The following STK32B variants were observed in gnomAD, a reference collection of about 807,000 sequenced individuals.
STK32B encodes serine/threonine-protein kinase 32B.
In STK32B, 43 loss-of-function variants were observed where a neutral mutation model predicts 52.6. The observed-to-expected ratio is 0.82, with a 90% CI of 0.64 to 1.05. The LOEUF is 1.05. Ranked by LOEUF, STK32B falls within the 50% of genes least tolerant of loss-of-function variation. The pLI is 0.00. For synonymous variants in STK32B, 238 were observed against 204.3 expected, an observed-to-expected ratio of 1.17 and a Z score of -1.41; for missense variants, 621 against 534.6, an observed-to-expected ratio of 1.16 and a Z score of -1.59.
intron 3 of STK32B, among the ~76,000 whole-genome samples, chr4:5,246,439 C>T (rs976894320): frequency 3.9e-5 from 6 of 152,194 alleles, no homozygotes; most frequent in African/African-American, 1.4e-4. Context: ...ACTTTAAGGA[C>T]TTCTCTGCAT....
At chr4:5,333,795 GGC>G (rs1732438134) in intron 4 of STK32B, among the ~76,000 whole-genome samples, 2 of 151,508 alleles carry the variant, frequency 1.3e-5, no homozygotes, top group Non-Finnish European at 1.5e-5. Flanking sequence ...GTAGATATGC[GGC>G]TTATTTCTGA....
chr4:5,432,360 G>A (rs1274628898), intron 6 of STK32B: 1 of 152,216 alleles, frequency 6.6e-6, no homozygotes, highest in Non-Finnish European at 1.5e-5. Flanking sequence ...CCCAGTGGGG[G>A]AGATGGACAT....
At chr4:5,442,839 G>T (rs932112980) in intron 6 of STK32B, among the ~76,000 whole-genome samples, 22 of 152,110 alleles carry the variant, frequency 1.4e-4, no homozygotes, top group African/African-American at 4.8e-4. Context: ...GTCTGTAAAG[G>T]ATTTTATTTC....
intron 7 of STK32B, chr4:5,447,256 A>C (rs924846343): frequency 7.1e-5 from 11 of 153,880 alleles, no homozygotes; most frequent in African/African-American, 2.6e-4. Context: ...ATTTTATTGC[A>C]TTTAAATTTA....
At chr4:5,431,576 C>T (rs780650001) in intron 6 of STK32B, among the ~76,000 whole-genome samples, 13 of 151,792 alleles carry the variant, frequency 8.6e-5, no homozygotes, top group Admixed American at 1.3e-4. Flanking sequence ...GATACTGGTG[C>T]ATCATTTATT....
chr4:5,296,001 C>T (rs71489531), intron 3 of STK32B, among the ~76,000 whole-genome samples: 3 of 152,088 alleles, frequency 2.0e-5, no homozygotes, highest in African/African-American at 7.2e-5. Context: ...TTATTTATTT[C>T]TGCCTTAATT....
chr4:5,295,229 A>G (rs563985466), intron 3 of STK32B, among the ~76,000 whole-genome samples: 1 of 146,146 alleles, frequency 6.8e-6, no homozygotes, highest in African/African-American at 2.8e-5. Flanking sequence ...ATTGGGTTGA[A>G]GTTTTCTTAT....
intron 4 of STK32B, among the ~76,000 whole-genome samples, chr4:5,393,420 A>G (rs1448084727): frequency 2.0e-5 from 3 of 152,224 alleles, no homozygotes; most frequent in African/African-American, 7.2e-5. Flanking sequence ...TCATGTTGTT[A>G]TAAAGAAATA....
chr4:5,454,703 C>G (rs976613857), intron 7 of STK32B, among the ~76,000 whole-genome samples: 2 of 152,058 alleles, frequency 1.3e-5, no homozygotes, highest in African/African-American at 4.8e-5. Flanking sequence ...GATATAGTGC[C>G]TCGGTTTTGT....
intron 3 of STK32B, among the ~76,000 whole-genome samples, chr4:5,326,036 T>C (rs570171129): frequency 2.0e-5 from 3 of 152,306 alleles, no homozygotes; most frequent in South Asian, 4.2e-4. Context: ...GCTTAAAATA[T>C]TGTTCTCTTA....
At chr4:5,237,694 A>G (rs1364137156) in intron 3 of STK32B, among the ~76,000 whole-genome samples, 1 of 152,188 alleles carries the variant, frequency 6.6e-6, no homozygotes, top group African/African-American at 2.4e-5. Context: ...AGAGATGCAT[A>G]TAGCCAGTGC....
chr4:5,037,570 AC>A, the STK32B span, among the ~76,000 whole-genome samples: 1 of 152,144 alleles, frequency 6.6e-6, no homozygotes, highest in Admixed American at 6.5e-5. Context: ...AATATCAATT[AC>A]TCTACAGATA....
At chr4:5,355,969 C>A (rs1328606264) in intron 4 of STK32B, among the ~76,000 whole-genome samples, 2 of 152,118 alleles carry the variant, frequency 1.3e-5, no homozygotes, top group African/African-American at 4.8e-5. Context: ...TAGGACTCAG[C>A]ACCTTCAGAC....
rs866944867 is a variant in STK32B, at chr4:5,401,081, G to A, written c.472+2837G>A. ...GTAGAGACAGTGGGGCAGAACTGCA[G>A]AAACAAGAGGGGAATGGCTGTTTGA... On this transcript the variant is annotated intron_variant, in intron 5 of 11. Transcript: ENST00000282908. Among the ~76,000 whole-genome samples, 5 of 152,282 alleles carry A rather than the reference G, an allele frequency of 3.3e-5. No homozygotes were observed. The South Asian group carries it at 1.0e-3, about 32-fold the overall frequency.
intron 3 of STK32B, among the ~76,000 whole-genome samples, chr4:5,209,099 T>G (rs1457669838): frequency 6.6e-6 from 1 of 152,232 alleles, no homozygotes; most frequent in East Asian, 1.9e-4. Flanking sequence ...CCTCAGCACT[T>G]CTGCACATGG....
intron 3 of STK32B, among the ~76,000 whole-genome samples, chr4:5,317,224 T>TATATATAACATA (rs1491141469): frequency 2.6e-5 from 1 of 38,676 alleles, no homozygotes; most frequent in African/African-American, 3.4e-4. Flanking sequence ...CATATATATA[T>TATATATAACATA]TATATATAAC....
chr4:5,255,658 G>A (rs1726246757), intron 3 of STK32B, among the ~76,000 whole-genome samples: 2 of 151,784 alleles, frequency 1.3e-5, no homozygotes, highest in African/African-American at 2.4e-5. Context: ...TTAACTTAAT[G>A]TGAATGGAAT....
chr4:5,344,501 C>A (rs115216218), intron 4 of STK32B, among the ~76,000 whole-genome samples: 3,319 of 152,236 alleles, frequency 0.022, 112 homozygotes, highest in African/African-American at 0.074. Context: ...TCACAGTCTT[C>A]TTTTACAAGG....
chr4:5,179,866 C>T (rs1306181850), intron 3 of STK32B, among the ~76,000 whole-genome samples: 2 of 152,222 alleles, frequency 1.3e-5, no homozygotes, highest in African/African-American at 4.8e-5. Flanking sequence ...TTCAGAGCCA[C>T]GAGTCACATT....
Sources: gnomAD v4.1 joint callset for allele counts (sites outside exome capture counted in the v4.1 genomes callset) on GRCh38, gnomAD v4.1.1 for gene constraint, MANE v1.5 for transcripts, NCBI Gene and HGNC (gene_info 2026-07-23, HGNC 2026-07-21) for gene names.